Variants in AAGAB observed in about 807,000 individuals in gnomAD.
The protein encoded by AAGAB is alpha- and gamma-adaptin-binding protein p34.
In AAGAB, 38 loss-of-function variants were observed where a neutral mutation model predicts 44.1. That is an observed-to-expected ratio of 0.86 (90% CI 0.67 to 1.13). The LOEUF is 1.13. Ranked by LOEUF, AAGAB falls within the 50% of genes most tolerant of loss-of-function variation. AAGAB has a pLI of 0.00. For synonymous variants in AAGAB, 131 were observed against 131.8 expected (o/e 0.99, Z 0.04); for missense variants, 450 against 373.8 (o/e 1.20, Z -1.68).
intron 1 of AAGAB, among the ~76,000 whole-genome samples, chr15:67,237,117 G>C (rs887714707): frequency 6.6e-6 from 1 of 152,106 alleles, no homozygotes; most frequent in African/African-American, 2.4e-5. Flanking sequence ...ATCCAGAAAA[G>C]AGCAAGTAGA....
intron 5 of AAGAB, among the ~76,000 whole-genome samples, chr15:67,209,878 G>T (rs545110579): frequency 6.6e-6 from 1 of 152,108 alleles, no homozygotes; most frequent in East Asian, 1.9e-4. Context: ...TGTTGCCCAG[G>T]CTGGTCTTGA....
intron 5 of AAGAB, among the ~76,000 whole-genome samples, chr15:67,222,234 G>A (rs967107010): frequency 4.9e-4 from 21 of 43,164 alleles, no homozygotes; most frequent in African/African-American, 1.2e-3. Flanking sequence ...ACGCGCACGC[G>A]CGCGCGCGCA....
rs1001627790 is a variant in AAGAB, at chr15:67,209,051, C to A, written c.619-393G>T. On this transcript the variant is annotated intron_variant, in intron 6 of 9. Transcript: ENST00000261880. ...TTTGCTCTTGGCTCCAGCTGCTGACCAAGGTAAACCTGGAACAAAGTTCTT... is the reference window on the plus strand; with the variant it reads ...TTTGCTCTTGGCTCCAGCTGCTGACAAAGGTAAACCTGGAACAAAGTTCTT... 2.6e-5 allele frequency among the ~76,000 whole-genome samples: 4 copies of A among 152,164 alleles called. No individual in the cohort carries two copies. The South Asian group carries it at 6.2e-4, about 24-fold the overall frequency.
chr15:67,250,255 C>A (rs1964830513), intron 1 of AAGAB, among the ~76,000 whole-genome samples: 1 of 152,162 alleles, frequency 6.6e-6, no homozygotes. Context: ...CGGCTCACTG[C>A]AACCTCTGCC....
Position 67,236,829 on chromosome 15 carries a change from A to G in AAGAB, c.74-9T>C, listed in dbSNP as rs765419697. The stretch of plus-strand genomic sequence containing the variant: ...TTCTGTTCCAAGGATATCTAAAAAT[A>G]AATGACAACATTACCATGTAAAGTG... On this transcript the variant is annotated splice_polypyrimidine_tract_variant and intron_variant, in intron 1 of 9. Transcript: ENST00000261880. 1.9e-6 allele frequency: 3 copies of G among 1,594,980 alleles called. No homozygotes were observed. The highest frequency in any genetic ancestry group is 2.6e-6 in the Non-Finnish European group (3 of 1,169,902).
intron 5 of AAGAB, among the ~76,000 whole-genome samples, chr15:67,227,483 T>A (rs987943358): frequency 6.6e-6 from 1 of 152,106 alleles, no homozygotes; most frequent in African/African-American, 2.4e-5. Context: ...TTTAACCACA[T>A]CTTATGTATA....
chr15:67,248,402 A>G (rs1232208365), intron 1 of AAGAB, among the ~76,000 whole-genome samples: 1 of 152,164 alleles, frequency 6.6e-6, no homozygotes, highest in Non-Finnish European at 1.5e-5. Context: ...GAAATATACA[A>G]TCCAATCAAA....
rs1183826335 is a variant in AAGAB, at chr15:67,202,083, A to G, written c.*738T>C. 6.6e-6 allele frequency: 1 copy of G among 152,338 alleles called. No individual in the cohort carries two copies. Among genetic ancestry groups the G allele is most frequent in the East Asian group, 1.9e-4 (1 of 5,340 alleles). The allele number at this position is 152,338 out of a possible 1,614,324, so 9.4% of individuals were successfully genotyped here. On this transcript the variant is annotated 3_prime_UTR_variant, in exon 10 of 10. Coordinates refer to ENST00000261880, the MANE Select transcript of AAGAB (RefSeq NM_024666.5). ...CGGTATGTTATCACATACTGTCTCC[A>G]TGGCCCATACAAGGACTCCTTAAGG...
intron 1 of AAGAB, among the ~76,000 whole-genome samples, chr15:67,246,881 T>A (rs1171856163): frequency 6.6e-6 from 1 of 152,130 alleles, no homozygotes; most frequent in Non-Finnish European, 1.5e-5. Flanking sequence ...CGGGGCCAAA[T>A]AAGGGAATAA....
chr15:67,236,346 ACT>A lies in AAGAB; in HGVS notation c.361+60_361+61del. On this transcript the variant is annotated intron_variant, in intron 3 of 9. Coordinates refer to ENST00000261880, the MANE Select transcript of AAGAB (RefSeq NM_024666.5). ...TGTCCTAAGTTAAAGAAACAGATGT[ACT>A]CTGTTTATCAAGGAATGGCAAATGC... 3 of 1,410,222 alleles carry A rather than the reference ACT, an allele frequency of 2.1e-6. No homozygotes were observed. In the South Asian group the frequency reaches 3.6e-5, roughly 17 times the overall value. 87.4% of individuals were successfully genotyped at this position (1,410,222 alleles called of 1,614,324 possible).
chr15:67,242,055 G>A (rs983453119), intron 1 of AAGAB, among the ~76,000 whole-genome samples: 1 of 152,140 alleles, frequency 6.6e-6, no homozygotes, highest in Non-Finnish European at 1.5e-5. Context: ...GAAAAGAACT[G>A]AGCAAAATAT....
chr15:67,209,070 A>T (rs1963749450), intron 6 of AAGAB, among the ~76,000 whole-genome samples: 2 of 152,218 alleles, frequency 1.3e-5, no homozygotes, highest in Non-Finnish European at 2.9e-5. Flanking sequence ...CCTGGAACAA[A>T]GTTCTTAAGG....
chr15:67,222,242 G>GCGCGCGTGCACACACA, intron 5 of AAGAB, among the ~76,000 whole-genome samples: 1 of 90,128 alleles, frequency 1.1e-5, no homozygotes, highest in East Asian at 6.2e-4. Flanking sequence ...GCGCGCGCGC[G>GCGCGCGTGCACACACA]CACACACACA....
chr15:67,222,567 T>A (rs569295649), intron 5 of AAGAB, among the ~76,000 whole-genome samples: 1 of 152,210 alleles, frequency 6.6e-6, no homozygotes, highest in South Asian at 2.1e-4. Context: ...CTGAGCCACA[T>A]TTGCATCCAC....
intron 5 of AAGAB, among the ~76,000 whole-genome samples, chr15:67,212,800 C>T (rs554250580): frequency 1.4e-4 from 22 of 152,274 alleles, no homozygotes; most frequent in African/African-American, 5.3e-4. Context: ...TTCTGTTCTG[C>T]CTGGTTCAAT....
chr15:67,230,065 G>A (rs1411808907), intron 5 of AAGAB, among the ~76,000 whole-genome samples: 1 of 151,728 alleles, frequency 6.6e-6, no homozygotes, highest in Non-Finnish European at 1.5e-5. Flanking sequence ...TGTTGGCCAG[G>A]ATGGTCTTGA....
intron 1 of AAGAB, among the ~76,000 whole-genome samples, chr15:67,241,370 A>C (rs963942626): frequency 6.6e-6 from 1 of 152,114 alleles, no homozygotes. Flanking sequence ...GGAAACCAGC[A>C]CTCTTCTCAG....
At chr15:67,232,704 C>A in intron 4 of AAGAB, 1 of 271,812 alleles carries the variant, frequency 3.7e-6, no homozygotes, top group Admixed American at 3.5e-5. Context: ...TGAACACAAA[C>A]ATAGACTTAC....
intron 5 of AAGAB, among the ~76,000 whole-genome samples, chr15:67,231,357 A>G (rs1269866490): frequency 1.3e-5 from 2 of 152,194 alleles, no homozygotes; most frequent in Non-Finnish European, 2.9e-5. Context: ...GTCAGGACAC[A>G]CTTTCTCCTT....
Sources: gnomAD v4.1 joint callset for allele counts (sites outside exome capture counted in the v4.1 genomes callset) on GRCh38, gnomAD v4.1.1 for gene constraint, MANE v1.5 for transcripts, NCBI Gene and HGNC (gene_info 2026-07-23, HGNC 2026-07-21) for gene names.